The following TMEM50B variants were observed in gnomAD, a reference collection of about 807,000 sequenced individuals.
The protein encoded by TMEM50B is HCV p7-trans-regulated protein 3.
A neutral mutation model predicts 23.4 loss-of-function variants in TMEM50B; 14 were observed. That is an observed-to-expected ratio of 0.60 (90% CI 0.39 to 0.93). TMEM50B has a LOEUF of 0.93. TMEM50B is among the 40% of genes least tolerant of loss of function. The probability of loss-of-function intolerance (pLI) is 0.00; values close to 1 mark genes in which losing one functional copy is unlikely to be tolerated. For synonymous variants in TMEM50B, 64 were observed against 62.3 expected (o/e 1.03, Z -0.13); for missense variants, 159 against 193.0 (o/e 0.82, Z 1.04).
intron 8 of TMEM50B, among the ~76,000 whole-genome samples, chr21:33,435,463 C>A (rs990466955): frequency 1.3e-5 from 2 of 152,106 alleles, no homozygotes; most frequent in Non-Finnish European, 2.9e-5. Flanking sequence ...ATCAGAAAAT[C>A]AGAAGAAAAA....
chr21:33,452,079 A>G (rs537034860), intron 6 of TMEM50B, among the ~76,000 whole-genome samples: 9 of 152,344 alleles, frequency 5.9e-5, no homozygotes, highest in South Asian at 4.1e-4. Flanking sequence ...TGTTCATCCA[A>G]TTGTCATTTA....
chr21:33,475,319 C>A (rs1329908409), intron 1 of TMEM50B, among the ~76,000 whole-genome samples: 1 of 151,886 alleles, frequency 6.6e-6, no homozygotes, highest in Non-Finnish European at 1.5e-5. Flanking sequence ...TTTTTTGTAC[C>A]TGAGATAAAA....
At chr21:33,472,210 C>T (rs1468913685) in intron 1 of TMEM50B, among the ~76,000 whole-genome samples, 2 of 151,264 alleles carry the variant, frequency 1.3e-5, no homozygotes, top group Non-Finnish European at 2.9e-5. Flanking sequence ...GGTGAAACCC[C>T]GTCTCCACTA....
chr21:33,468,275 A>G (rs1200330155), intron 2 of TMEM50B: 1 of 152,390 alleles, frequency 6.6e-6, no homozygotes. Flanking sequence ...AAATTAAACA[A>G]TAGTTTCCTT....
At chr21:33,478,811 G>A in intron 1 of TMEM50B, 1 of 471,036 alleles carries the variant, frequency 2.1e-6, no homozygotes, top group Non-Finnish European at 4.4e-6. Context: ...TAAAAGACAA[G>A]AAACAAAATG....
At chr21:33,439,342 G>T (rs370853544) in intron 7 of TMEM50B, 1 of 152,196 alleles carries the variant, frequency 6.6e-6, no homozygotes, top group East Asian at 1.9e-4. Flanking sequence ...GCAGGACAGA[G>T]GGCAAATCAA....
intron 4 of TMEM50B, among the ~76,000 whole-genome samples, chr21:33,462,677 A>C (rs1025240272): frequency 2.1e-4 from 32 of 152,200 alleles, no homozygotes; most frequent in African/African-American, 7.2e-4. Flanking sequence ...GTCTCAAAAA[A>C]AGATAATAGT....
chr21:33,441,254 C>G (rs1053689422), intron 7 of TMEM50B, among the ~76,000 whole-genome samples: 1 of 151,856 alleles, frequency 6.6e-6, no homozygotes, highest in Non-Finnish European at 1.5e-5. Flanking sequence ...CTTCTTGGTA[C>G]ATAACATTTA....
intron 1 of TMEM50B, among the ~76,000 whole-genome samples, chr21:33,470,869 AAC>A (rs2084309123): frequency 6.6e-6 from 1 of 152,170 alleles, no homozygotes; most frequent in Non-Finnish European, 1.5e-5. Context: ...CAGCCTGGGC[AAC>A]AGAGTGAGAC....
At chr21:33,457,420 TG>T (rs1226995627) in intron 5 of TMEM50B, among the ~76,000 whole-genome samples, 2 of 151,506 alleles carry the variant, frequency 1.3e-5, no homozygotes, top group African/African-American at 4.9e-5. Context: ...GAGGCCAAGG[TG>T]GGTAGATCGT....
intron 4 of TMEM50B, among the ~76,000 whole-genome samples, chr21:33,462,680 A>T (rs970857158): frequency 2.0e-5 from 3 of 152,192 alleles, no homozygotes; most frequent in Non-Finnish European, 4.4e-5. Context: ...TCAAAAAAAG[A>T]TAATAGTAAC....
chr21:33,455,881 A>T, intron 5 of TMEM50B, 97 bp from the exon 6 acceptor site: 1 of 854,212 alleles, frequency 1.2e-6, no homozygotes, highest in Non-Finnish European at 2.0e-6. Context: ...TGTATATTAC[A>T]ACATACTGCT....
exon 9 of TMEM50B, chr21:33,432,699 G>C (rs765881972): frequency 1.1e-5 from 18 of 1,613,574 alleles, no homozygotes; most frequent in Non-Finnish European, 6.8e-6. Context: ...GTTCACTTTC[G>C]TGTCCTCTTT....
chr21:33,468,919 G>C lies in TMEM50B; in HGVS notation c.-34C>G. 1 of 1,523,960 alleles carries C rather than the reference G, an allele frequency of 6.6e-7. No individual in the cohort carries two copies. The highest frequency in any genetic ancestry group is 1.4e-5 in the African/African-American group (1 of 72,988). The allele number at this position is 1,523,960 out of a possible 1,614,324, so 94.4% of individuals were successfully genotyped here. On this transcript the variant is annotated 5_prime_UTR_variant, in exon 2 of 7. Transcript: ENST00000542230. The stretch of plus-strand genomic sequence containing the variant: ...CTTAAGCATAAATTTTTCATTAAAT[G>C]CTGTATCCTACAAACAGAAAGACAA...
At chr21:33,475,225 CCAAA>C (rs2084357588) in intron 1 of TMEM50B, among the ~76,000 whole-genome samples, 2 of 152,048 alleles carry the variant, frequency 1.3e-5, no homozygotes, top group Admixed American at 1.3e-4. Flanking sequence ...CTGCGGCTGG[CCAAA>C]CATTTTGTTT....
chr21:33,468,955 A>C, intron 1 of TMEM50B, 29 bp from the exon 2 acceptor site: 1 of 1,206,458 alleles, frequency 8.3e-7, no homozygotes. Context: ...AAACTAATCA[A>C]CCTAAGAAAA....
downstream of TMEM50B, among the ~76,000 whole-genome samples, chr21:33,446,679 C>CAAAAAAA (rs1409384682): frequency 2.9e-5 from 3 of 102,372 alleles, no homozygotes; most frequent in South Asian, 6.1e-4. Context: ...AAAAAAAAAA[C>CAAAAAAA]CTCTAAGAAA....
At chr21:33,468,086 C>T (rs1482474841) in intron 2 of TMEM50B, among the ~76,000 whole-genome samples, 3 of 101,760 alleles carry the variant, frequency 2.9e-5, no homozygotes, top group Non-Finnish European at 5.0e-5. Context: ...AAAAAAAGTG[C>T]GGACAGAGAG....
chr21:33,476,671 G>A (rs966351576), intron 1 of TMEM50B, among the ~76,000 whole-genome samples: 17 of 139,268 alleles, frequency 1.2e-4, no homozygotes, highest in African/African-American at 3.6e-4. Flanking sequence ...TGAGGCAGGA[G>A]AATGGTGTGA....
Sources: allele counts gnomAD v4.1 joint callset (sites outside exome capture counted in the v4.1 genomes callset), GRCh38; gene constraint gnomAD v4.1.1; transcripts MANE v1.5; gene names NCBI Gene and HGNC (gene_info 2026-07-23, HGNC 2026-07-21).